SEMA7A: variants seen among roughly 807,000 people sequenced by gnomAD.
The protein encoded by SEMA7A is semaphorin-7A.
A neutral mutation model predicts 67.5 loss-of-function variants in SEMA7A; 21 were observed. The ratio of observed to expected loss-of-function variants is 0.31; its 90% confidence interval spans 0.22 to 0.45. The LOEUF (loss-of-function observed/expected upper bound fraction) is 0.45, where lower values mean the gene tolerates loss of function less well. SEMA7A is among the 20% of genes least tolerant of loss of function. The probability of loss-of-function intolerance (pLI) is 1.00; values close to 1 mark genes in which losing one functional copy is unlikely to be tolerated. For missense variants in SEMA7A, 774 were observed against 908.6 expected, an observed-to-expected ratio of 0.85 and a Z score of 1.90; for synonymous variants, 364 against 368.5, an observed-to-expected ratio of 0.99 and a Z score of 0.14.
chr15:74,425,797 T>A (rs1019337295), intron 1 of SEMA7A, among the ~76,000 whole-genome samples: 6 of 152,190 alleles, frequency 3.9e-5, no homozygotes, highest in Admixed American at 1.3e-4. Context: ...ATATCTACCG[T>A]AGACAGTCGT....
In SEMA7A at chr15:74,429,872, G is replaced by A. The variant is rs566447464; in HGVS notation, c.178+3869C>T. Among the ~76,000 whole-genome samples, 7 of 152,046 alleles carry A rather than the reference G, an allele frequency of 4.6e-5. No individual in the cohort carries two copies. The South Asian group carries it at 1.0e-3, about 23-fold the overall frequency. The stretch of plus-strand genomic sequence containing the variant: ...CCTACTAAGTGGGGTGCTTCCTCCT[G>A]TTCCTTCCCTCCCCCAGCTGGCTCC... On this transcript the variant is annotated intron_variant, in intron 1 of 13. Transcript: ENST00000261918.
At chr15:74,416,086 G>A (rs2060945736) in intron 7 of SEMA7A, 101 bp from the exon 8 acceptor site, 3 of 1,274,958 alleles carry the variant, frequency 2.4e-6, no homozygotes, top group Non-Finnish European at 3.3e-6. Flanking sequence ...TGGGCCCAGA[G>A]GAGGAAGGCA....
chr15:74,420,187 C>T (rs146786166), intron 1 of SEMA7A, among the ~76,000 whole-genome samples: 335 of 152,314 alleles, frequency 2.2e-3, no homozygotes, highest in Middle Eastern at 6.8e-3. Context: ...CCTATTGATT[C>T]TGCATTTAAC....
intron 7 of SEMA7A, 29 bp from the exon 8 acceptor site, chr15:74,416,014 C>T (rs1391046199): frequency 6.2e-7 from 1 of 1,605,810 alleles, no homozygotes; most frequent in African/African-American, 1.3e-5. Flanking sequence ...GAAGAGGCCC[C>T]TCAGCACCTG....
chr15:74,416,987 CT>C (rs1375064416), intron 6 of SEMA7A, among the ~76,000 whole-genome samples: 14 of 152,192 alleles, frequency 9.2e-5, no homozygotes, highest in Admixed American at 9.2e-4. Context: ...CTGGGGGCCC[CT>C]ATGTCACTTC....
At chr15:74,419,677 T>C (rs2141281013) in intron 1 of SEMA7A, among the ~76,000 whole-genome samples, 1 of 152,322 alleles carries the variant, frequency 6.6e-6, no homozygotes, top group South Asian at 2.1e-4. Context: ...CACTCCTGCC[T>C]ACCAAGCTGG....
rs1358329798 is a variant in SEMA7A at position 74,417,463 on chromosome 15, G to C, written c.551-18C>G. 6.2e-7 allele frequency: 1 copy of C among 1,607,054 alleles called. No homozygotes were observed. The highest frequency in any genetic ancestry group is 8.5e-7 in the Non-Finnish European group (1 of 1,173,872). On this transcript the variant is annotated intron_variant, in intron 5 of 13. Transcript: ENST00000261918. ...CTCGTCCCCTGGGGTCAGTGGGAGG[G>C]AGAAATGAGTAAGGGCAGGCAGCTC...
rs768351215 is a variant in SEMA7A at position 74,410,577 on chromosome 15, G to C, written c.*47C>G. 2 of 1,531,242 alleles carry C rather than the reference G, an allele frequency of 1.3e-6. No homozygotes were observed. The highest frequency in any genetic ancestry group is 2.6e-5 in the South Asian group (2 of 77,834). The allele number at this position is 1,531,242 out of a possible 1,614,324, so 94.9% of individuals were successfully genotyped here. A position where few individuals can be genotyped will look rare whatever the true frequency, so the allele number is the denominator to read the frequency against. The stretch of plus-strand genomic sequence containing the variant: ...CCGGCTCTGAGTGTGAGACGTTCTA[G>C]TGCCCTGGGCTGCAGAAGCCTGAGG... On this transcript the variant is annotated 3_prime_UTR_variant, in exon 14 of 14. Transcript: ENST00000261918. This position sits in a 1 kb window ranked among gnomAD's most constrained non-coding sequence, Gnocchi z 7.5.
Position 74,411,641 on chromosome 15 carries a change from C to T in SEMA7A, c.1492G>A (p.Gly498Arg), listed in dbSNP as rs200100538. The T allele has an allele frequency of 1.9e-5, 30 of 1,611,806 alleles. No homozygotes were observed. The highest frequency in any genetic ancestry group is 1.7e-4 in the Middle Eastern group (1 of 5,966). Reference sequence around the variant, plus strand: ...GACATGAGGCAACCGTGGCAGCCCCCGCCATAGACCTCACACAGGTCCAGG... The same window carrying T: ...GACATGAGGCAACCGTGGCAGCCCCTGCCATAGACCTCACACAGGTCCAGG... ...VPLDLCEVYG[G>R]GCHGCLMSRD... Residue 498 changes from glycine (G) to arginine (R), a missense_variant, in exon 12 of 14, where the codon GGG becomes AGG. By Grantham distance (125) the Gly-to-Arg change is moderately radical. Coordinates refer to ENST00000261918, the MANE Select transcript of SEMA7A (RefSeq NM_003612.5). The surrounding 1 kb of genome is among the most constrained non-coding windows in gnomAD (Gnocchi z 4.4).
At chr15:74,417,835 A>G in intron 4 of SEMA7A, 42 bp downstream of exon 4, 4 of 1,602,772 alleles carry the variant, frequency 2.5e-6, no homozygotes, top group Non-Finnish European at 3.4e-6. Flanking sequence ...CCCACGCAGT[A>G]GAAGGTGAGC....
rs780250244 is a variant in SEMA7A, at chr15:74,418,924, A to G, written c.207T>C (p.Phe69=). The change falls in exon 2 of 14, where the codon TTT becomes TTC. Residue 69 remains phenylalanine, a synonymous_variant. Transcript: ENST00000261918. ...GCACCGTGTGCGGCTCAGTCTGGCC[A>G]AAGTCCACCCGGTCCTGCCCTACAT... ...KGHVGQDRVD[F]GQTEPHTVLF... 3.7e-6 allele frequency: 6 copies of G among 1,613,726 alleles called. No individual in the cohort carries two copies. Among genetic ancestry groups the G allele is most frequent in the Non-Finnish European group, 5.1e-6 (6 of 1,180,010 alleles).
Position 74,414,664 on chromosome 15 carries a change from GCTCCAC to G in SEMA7A, c.1171_1176del (p.Val391_Glu392del). The G allele has an allele frequency of 6.2e-7, 1 of 1,614,180 alleles. No homozygotes were observed. The highest frequency in any genetic ancestry group is 8.5e-7 in the Non-Finnish European group (1 of 1,180,038). ...AATGGCGTCTTCAGAGGCCCCATGG[GCTCCAC>G]CCTCTGCGCCACCTCTGGGTGACGG... On this transcript the variant is annotated inframe_deletion, in exon 10 of 14. Transcript: ENST00000261918. The surrounding 1 kb of genome is among the most constrained non-coding windows in gnomAD (Gnocchi z 4.1).
At chr15:74,418,730 T>G in intron 2 of SEMA7A, 71 bp downstream of exon 2, 1 of 1,546,650 alleles carries the variant, frequency 6.5e-7, no homozygotes, top group Admixed American at 1.8e-5. Context: ...TCGGATTCCC[T>G]GAGGACCCTT....
At chr15:74,430,430 G>A (rs1047943862) in intron 1 of SEMA7A, among the ~76,000 whole-genome samples, 1 of 152,170 alleles carries the variant, frequency 6.6e-6, no homozygotes, top group African/African-American at 2.4e-5. Context: ...GGGCATTTGG[G>A]GAAACTGGGG....
chr15:74,416,506 A>C, intron 7 of SEMA7A, 69 bp downstream of exon 7: 1 of 1,532,986 alleles, frequency 6.5e-7, no homozygotes, highest in Non-Finnish European at 8.9e-7. Context: ...ACGGACACAC[A>C]GAACTCACCC....
chr15:74,417,716 C>T (rs1370423974), intron 4 of SEMA7A, 41 bp from the exon 5 acceptor site: 1 of 1,573,222 alleles, frequency 6.4e-7, no homozygotes, highest in Admixed American at 1.7e-5. Context: ...CATAATCCCA[C>T]AGCCACTGCC....
At chr15:74,413,861 A>G (rs1430026371) in intron 10 of SEMA7A, among the ~76,000 whole-genome samples, 1 of 152,146 alleles carries the variant, frequency 6.6e-6, no homozygotes, top group African/African-American at 2.4e-5. Context: ...GGGGTGCTAG[A>G]GGCCCTTTCC....
chr15:74,410,612 C>T lies in SEMA7A; in HGVS notation c.*12G>A, dbSNP rs773216664. On this transcript the variant is annotated 3_prime_UTR_variant, in exon 14 of 14. Transcript: ENST00000261918. This position sits in a 1 kb window ranked among gnomAD's most constrained non-coding sequence, Gnocchi z 7.5. Reference sequence around the variant, plus strand: ...CTGCAGAAGCCTGAGGCATGCCCAGCCTCGGGAGGCCCTAGTGGACCAGCA... The same window carrying T: ...CTGCAGAAGCCTGAGGCATGCCCAGTCTCGGGAGGCCCTAGTGGACCAGCA... 14 of 1,567,150 alleles carry T rather than the reference C, an allele frequency of 8.9e-6. No individual in the cohort carries two copies. In the East Asian group the frequency reaches 2.3e-4, roughly 25 times the overall value.
In SEMA7A at chr15:74,411,892, G is replaced by T; in HGVS notation, c.1415C>A (p.Ala472Asp). The T allele has an allele frequency of 6.2e-7, 1 of 1,613,902 alleles. No homozygotes were observed. The highest frequency in any genetic ancestry group is 1.1e-5 in the South Asian group (1 of 91,082). Residue 472 changes from alanine to aspartate, a missense_variant, in exon 11 of 14, where the codon GCT becomes GAT. Transcript: ENST00000261918. This position sits in a 1 kb window ranked among gnomAD's most constrained non-coding sequence, Gnocchi z 4.4. Reference protein sequence around the residue: ...AAAIQTMSLDAERRKLYVSSQ... With the variant: ...AAAIQTMSLDDERRKLYVSSQ... Reference sequence around the variant, plus strand: ...CAGTGGGGGAAGGCTCACCCGCTCAGCATCCAGCGACATGGTCTGGATGGC... The same window carrying T: ...CAGTGGGGGAAGGCTCACCCGCTCATCATCCAGCGACATGGTCTGGATGGC...
Sources: gnomAD v4.1 joint callset for allele counts (sites outside exome capture counted in the v4.1 genomes callset) on GRCh38, gnomAD v4.1.1 for gene constraint, Gnocchi (gnomAD v3.1) non-coding constraint, MANE v1.5 for transcripts, NCBI Gene and HGNC (gene_info 2026-07-23, HGNC 2026-07-21) for gene names.